Variants in ATF6 observed in about 807,000 individuals in gnomAD.
ATF6 encodes cyclic AMP-dependent transcription factor ATF-6 alpha.
In ATF6, 53 loss-of-function variants were observed where a neutral mutation model predicts 83.6. The ratio of observed to expected loss-of-function variants is 0.63; its 90% CI spans 0.51 to 0.80. The LOEUF (loss-of-function observed/expected upper bound fraction) is 0.80, where lower values mean the gene tolerates loss of function less well. ATF6 is among the 30% of genes least tolerant of loss of function. The pLI, the probability that ATF6 is intolerant of heterozygous loss-of-function variation, is 0.00. For synonymous variants in ATF6, 288 were observed against 285.8 expected, an observed-to-expected ratio of 1.01 and a Z score of -0.08; for missense variants, 744 against 797.9, an observed-to-expected ratio of 0.93 and a Z score of 0.81.
chr1:161,830,610 A>G (rs1686030848), intron 9 of ATF6, among the ~76,000 whole-genome samples: 1 of 152,226 alleles, frequency 6.6e-6, no homozygotes, highest in African/African-American at 2.4e-5. Context: ...ATATAGACCA[A>G]TGGAACAGAA....
Position 161,846,574 on chromosome 1 carries a change from G to A in ATF6, c.1313G>A (p.Ser438Asn), listed in dbSNP as rs1232383242. 1 of 1,601,418 alleles carries A rather than the reference G, an allele frequency of 6.2e-7. No homozygotes were observed. Among genetic ancestry groups the A allele is most frequent in the East Asian group, 2.3e-5 (1 of 44,198 alleles). ...DTSDGIIQKN[S>N]YRYDHSVSND... ...TCAGATGGTATTATCCAGAAAAACA[G>A]CTACAGGTAAGATGGCATGCATCTA... is the stretch of plus-strand genomic sequence containing the variant. Residue 438 changes from serine (S) to asparagine (N), a missense_variant, in exon 10 of 16, where the codon AGC (serine) becomes AAC (asparagine). Ser to Asn is a conservative substitution (Grantham distance 46, BLOSUM62 1). Coordinates refer to ENST00000367942, the MANE Select transcript of ATF6 (RefSeq NM_007348.4).
intron 15 of ATF6, among the ~76,000 whole-genome samples, chr1:161,936,140 G>A (rs1040948840): frequency 6.6e-6 from 1 of 152,140 alleles, no homozygotes; most frequent in South Asian, 2.1e-4. Context: ...GGAACACAAC[G>A]CTACTGGTGT....
intron 14 of ATF6, 41 bp from the exon 15 acceptor site, chr1:161,912,255 C>T: frequency 6.8e-7 from 1 of 1,469,558 alleles, no homozygotes; most frequent in Non-Finnish European, 9.3e-7. Flanking sequence ...TAGGACTAAG[C>T]CAATTGTTAT....
At chr1:161,906,659 C>G (rs1200051845) in intron 14 of ATF6, among the ~76,000 whole-genome samples, 1 of 152,174 alleles carries the variant, frequency 6.6e-6, no homozygotes, top group African/African-American at 2.4e-5. Flanking sequence ...TATTAAGTGT[C>G]AAAAGTTTCC....
At chr1:161,792,992 A>G (rs540921980) in intron 6 of ATF6, among the ~76,000 whole-genome samples, 2 of 152,276 alleles carry the variant, frequency 1.3e-5, no homozygotes, top group East Asian at 1.9e-4. Context: ...TTGTACTCAT[A>G]CTGATATCTG....
At chr1:161,914,170 C>T (rs1362627051) in intron 15 of ATF6, among the ~76,000 whole-genome samples, 3 of 151,980 alleles carry the variant, frequency 2.0e-5, no homozygotes, top group South Asian at 2.1e-4. Flanking sequence ...GAATATATAC[C>T]GTGTTTCAAG....
At chr1:161,818,922 A>G (rs989674472) in intron 7 of ATF6, among the ~76,000 whole-genome samples, 13 of 152,338 alleles carry the variant, frequency 8.5e-5, no homozygotes, top group Admixed American at 2.6e-4. Context: ...GGTGGACAGG[A>G]TGAGATGGAA....
intron 10 of ATF6, among the ~76,000 whole-genome samples, chr1:161,846,858 T>G (rs1686497400): frequency 6.6e-6 from 1 of 151,808 alleles, no homozygotes; most frequent in African/African-American, 2.4e-5. Flanking sequence ...ATATTATATA[T>G]AATGTCTTTA....
intron 9 of ATF6, among the ~76,000 whole-genome samples, chr1:161,825,559 C>A (rs1018532314): frequency 3.3e-5 from 5 of 152,166 alleles, no homozygotes; most frequent in Non-Finnish European, 7.4e-5. Context: ...GGAAAACACT[C>A]TATTTACTAT....
chr1:161,791,060 A>G (rs1684863080), intron 4 of ATF6, among the ~76,000 whole-genome samples: 1 of 112,036 alleles, frequency 8.9e-6, no homozygotes, highest in Non-Finnish European at 1.9e-5. Flanking sequence ...ACCAAGTTTT[A>G]TATGTGTGTG....
chr1:161,910,184 A>G (rs148806376), intron 14 of ATF6, among the ~76,000 whole-genome samples: 96 of 152,278 alleles, frequency 6.3e-4, no homozygotes, highest in African/African-American at 2.2e-3. Context: ...AGATATATAG[A>G]TAAGATAGAT....
intron 2 of ATF6, among the ~76,000 whole-genome samples, chr1:161,778,827 C>T (rs1331572666): frequency 1.3e-5 from 2 of 152,022 alleles, no homozygotes; most frequent in Admixed American, 6.5e-5. Flanking sequence ...ACTGAGTCCC[C>T]GAGAATATCT....
At chr1:161,872,775 T>C (rs555441375) in intron 14 of ATF6, among the ~76,000 whole-genome samples, 4 of 151,216 alleles carry the variant, frequency 2.6e-5, no homozygotes, top group African/African-American at 7.3e-5. Context: ...AGAAAAGAGA[T>C]AGAAGAGAAT....
intron 15 of ATF6, among the ~76,000 whole-genome samples, chr1:161,939,868 TC>T (rs1688610988): frequency 6.6e-6 from 1 of 152,218 alleles, no homozygotes; most frequent in African/African-American, 2.4e-5. Flanking sequence ...AGCTATGGCT[TC>T]CAGCTAAAAT....
At chr1:161,817,270 G>A (rs558305130) in intron 7 of ATF6, among the ~76,000 whole-genome samples, 2 of 152,236 alleles carry the variant, frequency 1.3e-5, no homozygotes, top group African/African-American at 4.8e-5. Context: ...TTAAAGTAAG[G>A]TTGCCTTTTG....
chr1:161,920,775 G>A (rs1688197970), intron 15 of ATF6, among the ~76,000 whole-genome samples: 1 of 152,108 alleles, frequency 6.6e-6, no homozygotes, highest in South Asian at 2.1e-4. Context: ...CATCATATTT[G>A]TATTACAGGC....
chr1:161,805,093 GAGACTTTGTCAGCAAAGTCTC>G (rs1685246613), intron 7 of ATF6, among the ~76,000 whole-genome samples: 1 of 152,030 alleles, frequency 6.6e-6, no homozygotes, highest in Non-Finnish European at 1.5e-5. Flanking sequence ...AACGTTAATT[GAGACTTTGTCAGCAAAGTCTC>G]AATGTATGAA....
intron 7 of ATF6, among the ~76,000 whole-genome samples, chr1:161,806,142 C>T (rs1205505926): frequency 1.3e-5 from 2 of 152,132 alleles, no homozygotes; most frequent in African/African-American, 4.8e-5. Flanking sequence ...TGAACATGAT[C>T]TCTCATTTCA....
intron 15 of ATF6, among the ~76,000 whole-genome samples, chr1:161,921,750 G>A (rs1040945107): frequency 2.0e-5 from 3 of 152,118 alleles, no homozygotes; most frequent in Non-Finnish European, 4.4e-5. Context: ...CTCTTGTAAC[G>A]GAATACCAAG....
Sources: gnomAD v4.1 joint callset for allele counts (sites outside exome capture counted in the v4.1 genomes callset) on GRCh38, gnomAD v4.1.1 for gene constraint, MANE v1.5 for transcripts, NCBI Gene and HGNC (gene_info 2026-07-23, HGNC 2026-07-21) for gene names.